Variants in TAS2R1 observed in about 807,000 individuals in gnomAD.
TAS2R1 encodes taste 2 receptor member 1.
For synonymous variants in TAS2R1, 141 were observed against 134.2 expected (o/e 1.05, Z -0.35); for missense variants, 370 against 353.4 (o/e 1.05, Z -0.38).
At chr5:9,690,814 C>G (rs1013229226) in intron 1 of TAS2R1, among the ~76,000 whole-genome samples, 2 of 152,084 alleles carry the variant, frequency 1.3e-5, no homozygotes, top group Non-Finnish European at 2.9e-5. Context: ...GGCTCATCCT[C>G]CTGAGCAAGG....
chr5:9,804,816 A>G, the TAS2R1 span, among the ~76,000 whole-genome samples: 1 of 152,166 alleles, frequency 6.6e-6, no homozygotes, highest in Non-Finnish European at 1.5e-5. Flanking sequence ...AGACAATCTA[A>G]GCTCATGCCT....
the TAS2R1 span, among the ~76,000 whole-genome samples, chr5:9,877,959 T>A: frequency 1.3e-5 from 2 of 152,170 alleles, no homozygotes; most frequent in African/African-American, 2.4e-5. Context: ...CTGGAGAAAT[T>A]GATCAAAATC....
chr5:9,751,399 T>C, the TAS2R1 span, among the ~76,000 whole-genome samples: 2 of 151,674 alleles, frequency 1.3e-5, no homozygotes, highest in Non-Finnish European at 2.9e-5. Flanking sequence ...GAAAAGACCA[T>C]ATAATATATT....
intron 1 of TAS2R1, among the ~76,000 whole-genome samples, chr5:9,704,946 T>G (rs1741573319): frequency 6.6e-6 from 1 of 152,220 alleles, no homozygotes. Flanking sequence ...GGTGCACAAA[T>G]GAGCTTACAA....
the TAS2R1 span, among the ~76,000 whole-genome samples, chr5:9,749,537 G>A: frequency 6.6e-6 from 1 of 152,192 alleles, no homozygotes; most frequent in Non-Finnish European, 1.5e-5. Flanking sequence ...GGACTTATTG[G>A]AGACTATAGG....
the TAS2R1 span, among the ~76,000 whole-genome samples, chr5:9,734,272 C>T: frequency 2.6e-5 from 4 of 152,182 alleles, no homozygotes; most frequent in African/African-American, 9.7e-5. Context: ...ATGTCTGTTG[C>T]TAATAAATTA....
the TAS2R1 span, among the ~76,000 whole-genome samples, chr5:9,742,194 A>C: frequency 2.6e-5 from 4 of 152,130 alleles, no homozygotes; most frequent in African/African-American, 7.2e-5. Context: ...CTGCACAAAC[A>C]AGATTTTAAA....
chr5:9,872,726 A>G, the TAS2R1 span, among the ~76,000 whole-genome samples: 1 of 152,254 alleles, frequency 6.6e-6, no homozygotes, highest in African/African-American at 2.4e-5. Flanking sequence ...TAGGTAGATT[A>G]ATAGTTTAAC....
the TAS2R1 span, among the ~76,000 whole-genome samples, chr5:9,824,650 C>A: frequency 3.9e-5 from 6 of 152,104 alleles, no homozygotes; most frequent in East Asian, 1.2e-3. Context: ...AGTTTGAGAC[C>A]AGCCTGGCCA....
chr5:9,858,428 C>T, the TAS2R1 span, among the ~76,000 whole-genome samples: 1 of 152,244 alleles, frequency 6.6e-6, no homozygotes, highest in East Asian at 1.9e-4. Context: ...AAGTTGGGGG[C>T]AGTGATGCAG....
At chr5:9,798,800 A>C in the TAS2R1 span, among the ~76,000 whole-genome samples, 1 of 152,248 alleles carries the variant, frequency 6.6e-6, no homozygotes, top group Non-Finnish European at 1.5e-5. Context: ...CCAGTACCAC[A>C]TGGACAGCTG....
the TAS2R1 span, among the ~76,000 whole-genome samples, chr5:9,723,616 G>A: frequency 2.0e-5 from 3 of 152,244 alleles, no homozygotes; most frequent in Admixed American, 6.5e-5. Flanking sequence ...TCACTGCCAA[G>A]GAGAGGCAGG....
chr5:9,880,185 C>G, the TAS2R1 span, among the ~76,000 whole-genome samples: 7 of 151,998 alleles, frequency 4.6e-5, no homozygotes, highest in Non-Finnish European at 8.8e-5. Flanking sequence ...CTTTAAGGAC[C>G]CTGGTAAAAG....
At chr5:9,647,111 C>A in intron 2 of TAS2R1, among the ~76,000 whole-genome samples, 1 of 152,122 alleles carries the variant, frequency 6.6e-6, no homozygotes, top group East Asian at 1.9e-4. Flanking sequence ...ACCATGAACT[C>A]GGCTTTTTAA....
At chr5:9,886,499 T>G in the TAS2R1 span, among the ~76,000 whole-genome samples, 15 of 151,316 alleles carry the variant, frequency 9.9e-5, no homozygotes, top group East Asian at 2.2e-3. Context: ...GCCCAGATAA[T>G]TTTTTTGTAT....
the TAS2R1 span, among the ~76,000 whole-genome samples, chr5:9,794,983 A>C: frequency 6.6e-6 from 1 of 152,218 alleles, no homozygotes; most frequent in Non-Finnish European, 1.5e-5. Context: ...GTACATAGTG[A>C]TGTTTTAATA....
chr5:9,808,516 A>T, the TAS2R1 span, among the ~76,000 whole-genome samples: 1 of 152,216 alleles, frequency 6.6e-6, no homozygotes, highest in Non-Finnish European at 1.5e-5. Flanking sequence ...TTTTTAAAAA[A>T]TGAGAATGTT....
chr5:9,749,497 T>C, the TAS2R1 span, among the ~76,000 whole-genome samples: 1 of 152,196 alleles, frequency 6.6e-6, no homozygotes, highest in East Asian at 1.9e-4. Context: ...TGAAAGATTC[T>C]AAAAGGAATG....
the TAS2R1 span, among the ~76,000 whole-genome samples, chr5:9,811,387 C>CCCCATA: frequency 1.3e-5 from 2 of 152,142 alleles, no homozygotes; most frequent in Non-Finnish European, 2.9e-5. Context: ...ATTTTAAAAT[C>CCCCATA]CCCATACCCA....
Sources: allele counts gnomAD v4.1 joint callset (sites outside exome capture counted in the v4.1 genomes callset), GRCh38; gene constraint gnomAD v4.1.1; transcripts MANE v1.5; gene names NCBI Gene and HGNC (gene_info 2026-07-23, HGNC 2026-07-21).